The following CACNA1E variants were observed in gnomAD, a reference collection of about 807,000 sequenced individuals.
CACNA1E encodes the protein calcium voltage-gated channel subunit alpha1 E.
CACNA1E carries 40 observed loss-of-function variants against 259.2 expected under a neutral mutation model. The observed-to-expected ratio is 0.15, with a 90% CI of 0.12 to 0.20. The LOEUF is 0.20. CACNA1E is among the 10% of genes least tolerant of loss of function. CACNA1E has a pLI of 1.00. For synonymous variants in CACNA1E, 1,104 were observed against 1,138.5 expected (o/e 0.97, Z 0.61); for missense variants, 1,874 against 3,040.1 (o/e 0.62, Z 9.02).
At chr1:181,724,590 T>A in intron 17 of CACNA1E, 53 bp downstream of exon 17, 1 of 1,422,858 alleles carries the variant, frequency 7.0e-7, no homozygotes, top group Non-Finnish European at 9.8e-7. Context: ...TTGGGTACCC[T>A]TTGGCCTTTG....
chr1:181,731,135 A>C (rs1558317059), intron 18 of CACNA1E, 40 bp from the exon 19 acceptor site: 1 of 1,554,402 alleles, frequency 6.4e-7, no homozygotes, highest in Admixed American at 1.7e-5. Flanking sequence ...AGGTTCCTAG[A>C]GGTTGGGGTG....
At chr1:181,399,078 A>G (rs1425267976) in intron 1 of CACNA1E, among the ~76,000 whole-genome samples, 2 of 152,028 alleles carry the variant, frequency 1.3e-5, no homozygotes, top group African/African-American at 4.8e-5. Context: ...CATCCCCTCA[A>G]TCCTTTGATT....
intron 1 of CACNA1E, among the ~76,000 whole-genome samples, chr1:181,323,498 G>A (rs1286064286): frequency 1.3e-5 from 2 of 152,142 alleles, no homozygotes; most frequent in Admixed American, 1.3e-4. Flanking sequence ...TAGGATCATT[G>A]ACTGTCATAT....
chr1:181,572,695 C>T (rs924937708), intron 3 of CACNA1E, among the ~76,000 whole-genome samples: 14 of 152,114 alleles, frequency 9.2e-5, no homozygotes, highest in African/African-American at 3.4e-4. Flanking sequence ...CTTTTATTAA[C>T]TCAAAATTGG....
exon 2 of CACNA1E, chr1:181,413,326 G>A (rs1658007985): frequency 6.6e-6 from 1 of 152,432 alleles, no homozygotes; most frequent in Non-Finnish European, 1.5e-5. Context: ...CCGACGCCTC[G>A]GACGAGGTGG....
At chr1:181,551,320 T>G (rs1648123660) in intron 3 of CACNA1E, among the ~76,000 whole-genome samples, 1 of 152,206 alleles carries the variant, frequency 6.6e-6, no homozygotes, top group Non-Finnish European at 1.5e-5. Context: ...GAGCCTCGCC[T>G]AGGCAGTCAG....
Position 181,798,187 on chromosome 1 carries a change from G to T in CACNA1E, c.6400-105G>T, listed in dbSNP as rs2102909250. The T allele has an allele frequency of 1.1e-6, 1 of 923,192 alleles. No homozygotes were observed. The highest frequency in any genetic ancestry group is 2.3e-5 in the Admixed American group (1 of 44,096). The allele number at this position is 923,192 out of a possible 1,614,324, so 57.2% of individuals were successfully genotyped here. On this transcript the variant is annotated intron_variant, in intron 47 of 47. Coordinates refer to ENST00000367573, the MANE Select transcript of CACNA1E (RefSeq NM_001205293.3). The surrounding 1 kb of genome is among the most constrained non-coding windows in gnomAD (Gnocchi z 4.2). ...AATACTACAGGGAGCTCCAGCTCAGGCCTCTCCCTGACAGAATTCAGATTC... is the reference window on the plus strand; with the variant it reads ...AATACTACAGGGAGCTCCAGCTCAGTCCTCTCCCTGACAGAATTCAGATTC...
intron 32 of CACNA1E, among the ~76,000 whole-genome samples, chr1:181,759,730 A>G (rs921637975): frequency 2.0e-5 from 3 of 152,144 alleles, no homozygotes; most frequent in African/African-American, 2.4e-5. Flanking sequence ...GTGAGCTACC[A>G]TTTCAAATTA....
intron 3 of CACNA1E, among the ~76,000 whole-genome samples, chr1:181,516,879 G>A (rs188036652): frequency 1.1e-4 from 16 of 152,334 alleles, no homozygotes; most frequent in African/African-American, 3.8e-4. Context: ...GGTGACCTGC[G>A]TTGGCTCTTC....
chr1:181,520,042 T>G (rs1666874305), intron 3 of CACNA1E, among the ~76,000 whole-genome samples: 1 of 152,214 alleles, frequency 6.6e-6, no homozygotes, highest in African/African-American at 2.4e-5. Flanking sequence ...AGGATAGTGA[T>G]GATGTTGATA....
chr1:181,794,163 ACTGT>A (rs1336471711), intron 45 of CACNA1E, among the ~76,000 whole-genome samples: 1 of 152,128 alleles, frequency 6.6e-6, no homozygotes, highest in Non-Finnish European at 1.5e-5. Context: ...CTGTGTCAGG[ACTGT>A]CTGTCCTAAC....
intron 1 of CACNA1E, among the ~76,000 whole-genome samples, chr1:181,388,222 A>G (rs1202352779): frequency 6.6e-6 from 1 of 152,204 alleles, no homozygotes. Flanking sequence ...GTGGGAGACT[A>G]CAGAGCTCCA....
At chr1:181,549,400 G>A (rs371436150) in intron 3 of CACNA1E, among the ~76,000 whole-genome samples, 6 of 152,230 alleles carry the variant, frequency 3.9e-5, no homozygotes, top group African/African-American at 1.2e-4. Flanking sequence ...GGGATCAGTC[G>A]TATTTGCTTC....
chr1:181,499,851 C>A (rs1368461528), intron 1 of CACNA1E, among the ~76,000 whole-genome samples: 2 of 152,244 alleles, frequency 1.3e-5, no homozygotes, highest in Non-Finnish European at 2.9e-5. Flanking sequence ...TACCTGACTT[C>A]CTTCTGTTTC....
Position 181,326,840 on chromosome 1 carries a change from C to A in CACNA1E, c.-15+8717C>A, listed in dbSNP as rs181111379. Among the ~76,000 whole-genome samples, 7 of 152,320 alleles carry A rather than the reference C, an allele frequency of 4.6e-5. No individual in the cohort carries two copies. In the East Asian group the frequency reaches 1.4e-3, roughly 29 times the overall value. ...TCTTTCAGCAAATGGTACCGCCCTC[C>A]GTCCTGTTGCCCGAGACAGAAATCT... On this transcript the variant is annotated intron_variant, in intron 1 of 11. Transcript: ENST00000524607.
At chr1:181,714,199 C>G (rs1363875924) in intron 8 of CACNA1E, among the ~76,000 whole-genome samples, 1 of 152,114 alleles carries the variant, frequency 6.6e-6, no homozygotes, top group Non-Finnish European at 1.5e-5. Context: ...TCTGGGGTTC[C>G]CACAACCATC....
chr1:181,444,091 T>C (rs79730411), intron 2 of CACNA1E, among the ~76,000 whole-genome samples: 40 of 152,370 alleles, frequency 2.6e-4, no homozygotes, highest in African/African-American at 9.6e-4. Flanking sequence ...TCATCTATTT[T>C]TTCTCACTCT....
intron 1 of CACNA1E, among the ~76,000 whole-genome samples, chr1:181,400,823 G>A (rs1657047036): frequency 1.3e-5 from 2 of 152,094 alleles, no homozygotes; most frequent in African/African-American, 4.8e-5. Context: ...AGCTGTCTCT[G>A]TCCAGGGTTT....
intron 3 of CACNA1E, among the ~76,000 whole-genome samples, chr1:181,539,183 TA>T (rs1668396732): frequency 6.6e-6 from 1 of 152,230 alleles, no homozygotes; most frequent in Non-Finnish European, 1.5e-5. Context: ...CATTTCCTTC[TA>T]TTTTCCGTTA....
Sources: gnomAD v4.1 joint callset for allele counts (sites outside exome capture counted in the v4.1 genomes callset) on GRCh38, gnomAD v4.1.1 for gene constraint, Gnocchi (gnomAD v3.1) non-coding constraint, MANE v1.5 for transcripts, NCBI Gene and HGNC (gene_info 2026-07-23, HGNC 2026-07-21) for gene names.